The following CTBP2 variants were observed in gnomAD, a reference collection of about 807,000 sequenced individuals.
CTBP2 encodes C-terminal binding protein 2.
In CTBP2, 30 loss-of-function variants were observed where a neutral mutation model predicts 80.3. The ratio of observed to expected loss-of-function variants is 0.37; its 90% CI spans 0.28 to 0.51. The LOEUF is 0.51. Among genes scored for constraint, CTBP2 ranks in the 20% least tolerant of loss-of-function variants. The probability of loss-of-function intolerance (pLI) is 0.93; values close to 1 mark genes in which losing one functional copy is unlikely to be tolerated. For synonymous variants in CTBP2, 594 were observed against 587.4 expected (o/e 1.01, Z -0.16); for missense variants, 1,212 against 1,375.3 (o/e 0.88, Z 1.88).
chr10:125,013,035 C>T (rs1956103968), intron 1 of CTBP2, among the ~76,000 whole-genome samples: 1 of 152,222 alleles, frequency 6.6e-6, no homozygotes, highest in African/African-American at 2.4e-5. Context: ...TGCCAGCCAG[C>T]AGCAAAGAAT....
upstream of CTBP2, among the ~76,000 whole-genome samples, chr10:125,028,197 C>T (rs776853338): frequency 1.1e-4 from 17 of 152,194 alleles, no homozygotes; most frequent in Non-Finnish European, 2.4e-4. Context: ...TCCCAAGCTG[C>T]AACTGGGATT....
At chr10:125,150,213 G>C (rs182093426) in intron 1 of CTBP2, among the ~76,000 whole-genome samples, 1 of 152,224 alleles carries the variant, frequency 6.6e-6, no homozygotes. Flanking sequence ...GCCCTCCCTC[G>C]AGGGAGATGG....
chr10:125,002,824 C>G (rs540682666), intron 3 of CTBP2, 136 bp downstream of exon 5: 1 of 1,077,846 alleles, frequency 9.3e-7, no homozygotes, highest in East Asian at 2.6e-5. Context: ...CACAGCCCGG[C>G]CTGGAGGCAG....
In CTBP2 at chr10:125,027,201, C is replaced by T. The variant is rs766341982; in HGVS notation, c.559G>A (p.Gly187Arg). Residue 187 changes from glycine to arginine, a missense_variant, in exon 1 of 9, where the codon GGG (glycine) becomes AGG (arginine). This residue lies in a region of CTBP2 where 848 missense variants were observed against 782.3 expected (regional missense o/e 1.08). Coordinates refer to ENST00000309035, the MANE Select transcript of CTBP2 (RefSeq NM_022802.3). ...TCGGGCTGCTCCCGTCCATACCGCC[C>T]GGGAGATGCAGCCCTGCTCTGTGTC... is the stretch of plus-strand genomic sequence containing the variant. The T allele has an allele frequency of 2.3e-5, 37 of 1,609,610 alleles. No individual in the cohort carries two copies. Among genetic ancestry groups the T allele is most frequent in the South Asian group, 1.3e-4 (12 of 91,020 alleles).
rs56714830 is a variant in CTBP2 at position 125,090,285 on chromosome 10, C to CAAAAAAAAAAAAAAAAAAAA, written c.-102+20704_-102+20705insTTTTTTTTTTTTTTTTTTTT. Among the ~76,000 whole-genome samples the CAAAAAAAAAAAAAAAAAAAA allele has an allele frequency of 1.9e-3, 126 of 65,388 alleles. 14 individuals are homozygous for CAAAAAAAAAAAAAAAAAAAA. The highest frequency in any genetic ancestry group is 8.2e-3 in the African/African-American group (119 of 14,454). The allele number at this position is 65,388 out of a possible 152,430, so 42.9% of individuals were successfully genotyped here. On this transcript the variant is annotated intron_variant, in intron 2 of 10. Transcript: ENST00000337195. ...TCTGGGCGACAGAGAGTCCCTGGCT[C>CAAAAAAAAAAAAAAAAAAAA]AAAAAAAAAAAAAAAAAGGTTGGGG...
chr10:125,143,141 G>A (rs1163140886), intron 1 of CTBP2, among the ~76,000 whole-genome samples: 2 of 152,062 alleles, frequency 1.3e-5, no homozygotes, highest in East Asian at 1.9e-4. Context: ...ACGACATCCC[G>A]CACACAGTAG....
intron 2 of CTBP2, among the ~76,000 whole-genome samples, chr10:125,049,103 C>CACACACACACACA (rs1590326445): frequency 1.8e-5 from 2 of 110,866 alleles, no homozygotes; most frequent in African/African-American, 7.0e-5. Flanking sequence ...GTCCACCTGA[C>CACACACACACACA]CACACACATA....
chr10:125,074,276 T>C (rs141425525), intron 2 of CTBP2, among the ~76,000 whole-genome samples: 171 of 152,286 alleles, frequency 1.1e-3, no homozygotes, highest in African/African-American at 2.6e-3. Flanking sequence ...CTGCAGACAA[T>C]TGGCTGTAGG....
rs1958907089 is a variant in CTBP2 at position 125,036,668 on chromosome 10, G to GT, written c.58+2328_58+2329insA. Among the ~76,000 whole-genome samples the GT allele has an allele frequency of 7.5e-4, 89 of 119,350 alleles. 1 individual carries two copies. Among genetic ancestry groups the GT allele is most frequent in the East Asian group, 4.8e-3 (22 of 4,564 alleles). The allele number at this position is 119,350 out of a possible 152,430, so 78.3% of individuals were successfully genotyped here. A position where few individuals can be genotyped will look rare whatever the true frequency, so the allele number is the denominator to read the frequency against. On this transcript the variant is annotated intron_variant, in intron 3 of 10. Transcript: ENST00000337195. Reference sequence around the variant, plus strand: ...ATGGTGAGAATTCAAAGCTAGAGGGGGTGTGTGTGTGTGTGTGTGTGTGTG... The same window carrying GT: ...ATGGTGAGAATTCAAAGCTAGAGGGGTGTGTGTGTGTGTGTGTGTGTGTGTG...
At chr10:125,074,898 G>A (rs1391287439) in intron 2 of CTBP2, among the ~76,000 whole-genome samples, 4 of 152,206 alleles carry the variant, frequency 2.6e-5, no homozygotes, top group Non-Finnish European at 2.9e-5. Context: ...AGTGACACTG[G>A]AGCCACCTGT....
At position 125,034,743 on chromosome 10, in the gene CTBP2, T is replaced by C. The variant is rs529692530; in HGVS notation, c.58+4254A>G. Among the ~76,000 whole-genome samples, 13 of 152,188 alleles carry C rather than the reference T, an allele frequency of 8.5e-5. No individual in the cohort carries two copies. The South Asian group carries it at 2.3e-3, about 27-fold the overall frequency. ...ATTTTATAATGCATCTGTACAAAGATAGGTGAAAAGAAAACAGCTACTCAG... is the reference window on the plus strand; with the variant it reads ...ATTTTATAATGCATCTGTACAAAGACAGGTGAAAAGAAAACAGCTACTCAG... On this transcript the variant is annotated intron_variant, in intron 3 of 10. Transcript: ENST00000337195.
intron 1 of CTBP2, among the ~76,000 whole-genome samples, chr10:125,115,242 CT>C (rs577746540): frequency 1.3e-5 from 2 of 152,304 alleles, no homozygotes; most frequent in South Asian, 4.1e-4. Context: ...CTGAAACTGA[CT>C]CATGGTTTCC....
intron 2 of CTBP2, among the ~76,000 whole-genome samples, chr10:125,072,622 C>T (rs1270065517): frequency 1.1e-4 from 6 of 56,642 alleles, no homozygotes; most frequent in South Asian, 7.2e-4. Context: ...GACTCTGTCT[C>T]AAAAAAGAAA....
At chr10:124,997,716 G>A in intron 4 of CTBP2, 1 of 558,980 alleles carries the variant, frequency 1.8e-6, no homozygotes, top group Non-Finnish European at 3.2e-6. Context: ...AAAGAATGCT[G>A]TCCTGCCAGA....
At chr10:125,155,059 G>C (rs1282554990) in intron 1 of CTBP2, among the ~76,000 whole-genome samples, 1 of 152,188 alleles carries the variant, frequency 6.6e-6, no homozygotes, top group South Asian at 2.1e-4. Context: ...GAAAAGGTCT[G>C]TTTACTTTCC....
At chr10:125,068,805 C>G (rs1845023764) in intron 2 of CTBP2, among the ~76,000 whole-genome samples, 1 of 152,170 alleles carries the variant, frequency 6.6e-6, no homozygotes. Context: ...GGAGGTACTC[C>G]CTGAGTCACC....
chr10:125,141,481 G>A (rs1366831811), intron 1 of CTBP2, among the ~76,000 whole-genome samples: 2 of 152,098 alleles, frequency 1.3e-5, no homozygotes, highest in Non-Finnish European at 2.9e-5. Context: ...CACCCTTCTT[G>A]ACCACAAAAA....
chr10:125,085,958 G>A (rs560795833), intron 2 of CTBP2, among the ~76,000 whole-genome samples: 1 of 152,336 alleles, frequency 6.6e-6, no homozygotes, highest in Admixed American at 6.5e-5. Flanking sequence ...CCTGCCCTGG[G>A]TACAGCCCCT....
At chr10:125,104,947 C>G (rs367583797) in intron 2 of CTBP2, among the ~76,000 whole-genome samples, 2 of 152,120 alleles carry the variant, frequency 1.3e-5, no homozygotes, top group Admixed American at 6.5e-5. Context: ...ACACCAGGCC[C>G]GAGGACACGA....
Sources: gnomAD v4.1 joint callset for allele counts (sites outside exome capture counted in the v4.1 genomes callset) on GRCh38, gnomAD v4.1.1 for gene constraint, gnomAD v4.1.1 regional missense constraint, MANE v1.5 for transcripts, NCBI Gene and HGNC (gene_info 2026-07-23, HGNC 2026-07-21) for gene names.